Variants in CDH18 observed in about 807,000 individuals in gnomAD.
The protein encoded by CDH18 is cadherin 18.
Under a neutral mutation model 67.9 loss-of-function variants are expected in CDH18, and 31 were observed. The observed-to-expected ratio is 0.46, with a 90% CI of 0.34 to 0.62. The LOEUF (loss-of-function observed/expected upper bound fraction) is 0.62, where lower values mean the gene tolerates loss of function less well. Ranked by LOEUF, CDH18 falls within the 20% of genes least tolerant of loss-of-function variation. CDH18 has a pLI of 0.01. For missense variants in CDH18, 890 were observed against 975.5 expected (o/e 0.91, Z 1.17); for synonymous variants, 362 against 347.2 (o/e 1.04, Z -0.48).
At chr5:20,471,785 G>T (rs1435785828) in intron 1 of CDH18, among the ~76,000 whole-genome samples, 1 of 128,912 alleles carries the variant, frequency 7.8e-6, no homozygotes, top group Admixed American at 9.6e-5. Context: ...ACTCCAGCCT[G>T]GGCGACAGAT....
At chr5:19,887,560 A>C (rs528853583) in intron 2 of CDH18, among the ~76,000 whole-genome samples, 3 of 151,720 alleles carry the variant, frequency 2.0e-5, no homozygotes, top group African/African-American at 4.8e-5. Context: ...TCTACAATCC[A>C]TCTGGGACTT....
At chr5:19,710,086 G>A (rs955259195) in intron 5 of CDH18, among the ~76,000 whole-genome samples, 1 of 152,110 alleles carries the variant, frequency 6.6e-6, no homozygotes, top group African/African-American at 2.4e-5. Context: ...AGTGAGTCAA[G>A]GTCATGCCAC....
intron 5 of CDH18, among the ~76,000 whole-genome samples, chr5:19,633,258 T>G (rs753201573): frequency 6.6e-6 from 1 of 152,210 alleles, no homozygotes; most frequent in African/African-American, 2.4e-5. Context: ...TAAATACAGC[T>G]TATTTCTCCC....
chr5:20,384,988 C>G (rs959595687), intron 1 of CDH18, among the ~76,000 whole-genome samples: 1 of 152,008 alleles, frequency 6.6e-6, no homozygotes, highest in African/African-American at 2.4e-5. Context: ...GGGTGCCCAC[C>G]ACCATGCCCC....
intron 2 of CDH18, among the ~76,000 whole-genome samples, chr5:20,153,766 T>C (rs1054679131): frequency 7.2e-5 from 11 of 152,212 alleles, no homozygotes; most frequent in Admixed American, 3.9e-4. Context: ...CTGCTATATT[T>C]TCCTCTTCTT....
chr5:20,415,363 A>T (rs992604595), intron 1 of CDH18, among the ~76,000 whole-genome samples: 3 of 151,644 alleles, frequency 2.0e-5, no homozygotes, highest in Non-Finnish European at 4.4e-5. Context: ...CTCCAAAAAA[A>T]TAAAAAATAA....
intron 1 of CDH18, among the ~76,000 whole-genome samples, chr5:20,562,155 T>C (rs1279710495): frequency 1.3e-5 from 2 of 151,832 alleles, no homozygotes; most frequent in African/African-American, 4.8e-5. Flanking sequence ...CTTTACACAT[T>C]CACAAATCCA....
At chr5:19,855,474 T>G (rs1012711188) in intron 2 of CDH18, among the ~76,000 whole-genome samples, 1 of 152,292 alleles carries the variant, frequency 6.6e-6, no homozygotes, top group African/African-American at 2.4e-5. Context: ...CTTTTCTCTG[T>G]GTACATTTTA....
chr5:19,510,749 T>C (rs948032075), intron 10 of CDH18, among the ~76,000 whole-genome samples: 3 of 151,962 alleles, frequency 2.0e-5, no homozygotes, highest in African/African-American at 7.2e-5. Flanking sequence ...GTGGAGGTAA[T>C]TGGATCATGA....
chr5:19,823,180 C>T (rs1027883147), intron 3 of CDH18, among the ~76,000 whole-genome samples: 1 of 152,108 alleles, frequency 6.6e-6, no homozygotes, highest in East Asian at 1.9e-4. Flanking sequence ...TGTTCAAACA[C>T]ACATGCTCTA....
intron 1 of CDH18, among the ~76,000 whole-genome samples, chr5:20,521,643 G>C (rs368890784): frequency 6.6e-6 from 1 of 152,062 alleles, no homozygotes; most frequent in African/African-American, 2.4e-5. Context: ...TTAAAGAGAA[G>C]ATATTTTTAA....
At chr5:20,560,443 C>T (rs1003809062) in intron 1 of CDH18, among the ~76,000 whole-genome samples, 1 of 147,780 alleles carries the variant, frequency 6.8e-6, no homozygotes, top group Non-Finnish European at 1.5e-5. Context: ...ATGACTTTAA[C>T]CACTGCCCTG....
chr5:19,876,157 G>A lies in CDH18; in HGVS notation c.-256-36915C>T, dbSNP rs539658485. Among the ~76,000 whole-genome samples, 5 of 151,902 alleles carry A rather than the reference G, an allele frequency of 3.3e-5. No homozygotes were observed. In the East Asian group the frequency reaches 9.7e-4, roughly 29 times the overall value. ...CTCACAGGAGCATTTACTATTATATGGGACTGATTTTTTAAAAAATCAATC... is the reference window on the plus strand; with the variant it reads ...CTCACAGGAGCATTTACTATTATATAGGACTGATTTTTTAAAAAATCAATC... On this transcript the variant is annotated intron_variant, in intron 2 of 12. Coordinates refer to ENST00000382275, the MANE Select transcript of CDH18 (RefSeq NM_004934.5).
chr5:20,082,769 C>G (rs1398993907), intron 2 of CDH18, among the ~76,000 whole-genome samples: 1 of 152,130 alleles, frequency 6.6e-6, no homozygotes, highest in East Asian at 1.9e-4. Flanking sequence ...AACAAAAAGA[C>G]AAACATATGC....
At chr5:19,548,129 T>TA (rs1266999334) in intron 8 of CDH18, among the ~76,000 whole-genome samples, 1 of 152,016 alleles carries the variant, frequency 6.6e-6, no homozygotes. Flanking sequence ...AAGCCCTAAG[T>TA]AAAAAAATCA....
At chr5:19,979,503 T>C (rs1798829245) in intron 2 of CDH18, among the ~76,000 whole-genome samples, 1 of 152,080 alleles carries the variant, frequency 6.6e-6, no homozygotes, top group African/African-American at 2.4e-5. Context: ...AATTGATATA[T>C]TGGCTGGGGA....
intron 2 of CDH18, among the ~76,000 whole-genome samples, chr5:20,002,911 C>G (rs1471712779): frequency 6.7e-6 from 1 of 150,200 alleles, no homozygotes; most frequent in African/African-American, 2.5e-5. Flanking sequence ...ATCTGTAGAG[C>G]CAACAATGTG....
At chr5:19,845,194 T>A (rs1330680833) in intron 2 of CDH18, among the ~76,000 whole-genome samples, 1 of 152,126 alleles carries the variant, frequency 6.6e-6, no homozygotes, top group African/African-American at 2.4e-5. Context: ...AAATAACAAA[T>A]AAACATAAAT....
intron 2 of CDH18, among the ~76,000 whole-genome samples, chr5:20,157,516 G>A (rs1751627387): frequency 2.0e-5 from 3 of 152,060 alleles, no homozygotes; most frequent in Non-Finnish European, 4.4e-5. Flanking sequence ...ATAATGCATA[G>A]TGATTAATTC....
Sources: allele counts gnomAD v4.1 joint callset (sites outside exome capture counted in the v4.1 genomes callset), GRCh38; gene constraint gnomAD v4.1.1; transcripts MANE v1.5; gene names NCBI Gene and HGNC (gene_info 2026-07-23, HGNC 2026-07-21).